SHC3: variants seen among roughly 807,000 people sequenced by gnomAD.
The protein encoded by SHC3 is SHC-transforming protein 3.
A neutral mutation model predicts 60.4 loss-of-function variants in SHC3; 15 were observed. The observed-to-expected ratio is 0.25, with a 90% CI of 0.17 to 0.38. SHC3 has a LOEUF of 0.38. SHC3 is among the 10% of genes least tolerant of loss of function. SHC3 has a pLI of 1.00. For synonymous variants in SHC3, 294 were observed against 325.9 expected, an observed-to-expected ratio of 0.90 and a Z score of 1.05; for missense variants, 677 against 786.1, an observed-to-expected ratio of 0.86 and a Z score of 1.66.
intron 1 of SHC3, among the ~76,000 whole-genome samples, chr9:89,158,022 C>G (rs1055604296): frequency 6.6e-6 from 1 of 151,426 alleles, no homozygotes; most frequent in Non-Finnish European, 1.5e-5. Flanking sequence ...TTGATTTCTG[C>G]TTTTATCTTT....
chr9:89,071,365 G>A (rs760613695), intron 4 of SHC3, 113 bp from the exon 5 acceptor site: 4 of 998,984 alleles, frequency 4.0e-6, no homozygotes, highest in Non-Finnish European at 6.1e-6. Context: ...CTGAAAATTG[G>A]TATCTATATA....
intron 7 of SHC3, among the ~76,000 whole-genome samples, chr9:89,048,786 A>AC (rs1824814076): frequency 6.6e-6 from 1 of 152,194 alleles, no homozygotes; most frequent in African/African-American, 2.4e-5. Flanking sequence ...CCCAGGCTGC[A>AC]CCCTGCTGGA....
intron 1 of SHC3, among the ~76,000 whole-genome samples, chr9:89,134,949 A>T (rs1826298355): frequency 6.6e-6 from 1 of 152,120 alleles, no homozygotes; most frequent in Admixed American, 6.6e-5. Flanking sequence ...TTTTCTTTTG[A>T]GGTATTTACA....
At chr9:89,021,801 C>T (rs1200736228) in intron 11 of SHC3, among the ~76,000 whole-genome samples, 1 of 152,138 alleles carries the variant, frequency 6.6e-6, no homozygotes, top group Non-Finnish European at 1.5e-5. Context: ...TCTTTTTTAG[C>T]CATGGAAAAA....
At chr9:89,085,852 G>T (rs1825520923) in intron 2 of SHC3, among the ~76,000 whole-genome samples, 1 of 152,152 alleles carries the variant, frequency 6.6e-6, no homozygotes, top group Non-Finnish European at 1.5e-5. Flanking sequence ...ACCTGGCAAG[G>T]AGTGCCCAGT....
intron 1 of SHC3, among the ~76,000 whole-genome samples, chr9:89,129,830 T>C (rs932517239): frequency 1.3e-5 from 2 of 152,102 alleles, no homozygotes; most frequent in South Asian, 2.1e-4. Flanking sequence ...CCATCAATGA[T>C]AGGAAGAAAC....
intron 6 of SHC3, among the ~76,000 whole-genome samples, chr9:89,065,110 G>A (rs970382608): frequency 6.6e-5 from 10 of 152,142 alleles, no homozygotes; most frequent in Non-Finnish European, 1.2e-4. Context: ...ATCAGACAGC[G>A]CCTGAGCTCA....
chr9:89,108,671 A>G (rs1340385770), intron 2 of SHC3, among the ~76,000 whole-genome samples: 4 of 152,232 alleles, frequency 2.6e-5, no homozygotes, highest in African/African-American at 9.7e-5. Context: ...GCCCATGAAT[A>G]AAAGTCTACA....
At position 89,093,553 on chromosome 9, in the gene SHC3, CAA is replaced by C. The variant is rs202123276; in HGVS notation, c.546-15652_546-15651del. On this transcript the variant is annotated intron_variant, in intron 2 of 11. Coordinates refer to ENST00000375835, the MANE Select transcript of SHC3 (RefSeq NM_016848.6). ...CAAATTGATAAGAAAGTAGAGTCTC[CAA>C]AAAAAAAAAAAGGGTAAGTGATGTG... Among the ~76,000 whole-genome samples the C allele has an allele frequency of 1.2e-3, 134 of 113,128 alleles. 1 individual carries two copies. Among genetic ancestry groups the C allele is most frequent in the African/African-American group, 3.2e-3 (98 of 30,382 alleles). The allele number at this position is 113,128 out of a possible 152,430, so 74.2% of individuals were successfully genotyped here.
chr9:89,058,623 G>T (rs930930809), intron 6 of SHC3, among the ~76,000 whole-genome samples: 85 of 151,202 alleles, frequency 5.6e-4, no homozygotes, highest in Non-Finnish European at 1.0e-3. Flanking sequence ...GGAGGACGTG[G>T]TGGAGGACAT....
At chr9:89,031,540 G>A (rs1824493049) in intron 11 of SHC3, among the ~76,000 whole-genome samples, 1 of 152,096 alleles carries the variant, frequency 6.6e-6, no homozygotes, top group Non-Finnish European at 1.5e-5. Flanking sequence ...TGTTTTCAAG[G>A]TTCATCCAAG....
chr9:89,074,650 C>T (rs1825325377), intron 4 of SHC3, among the ~76,000 whole-genome samples: 1 of 127,658 alleles, frequency 7.8e-6, no homozygotes, highest in Admixed American at 9.5e-5. Flanking sequence ...CCCTACAACA[C>T]TATGTACTAC....
intron 1 of SHC3, among the ~76,000 whole-genome samples, chr9:89,170,064 A>AGTGGGTT (rs773107081): frequency 7.6e-4 from 115 of 152,116 alleles, no homozygotes; most frequent in Non-Finnish European, 1.4e-3. Context: ...TTTCCTGCTG[A>AGTGGGTT]GTGGGTTGTG....
At chr9:89,169,704 G>A (rs1826841153) in intron 1 of SHC3, among the ~76,000 whole-genome samples, 1 of 152,122 alleles carries the variant, frequency 6.6e-6, no homozygotes, top group Non-Finnish European at 1.5e-5. Flanking sequence ...GCAAGGCGGG[G>A]GTGGGGTGCA....
At chr9:89,086,159 CAA>C (rs926550247) in intron 2 of SHC3, among the ~76,000 whole-genome samples, 1 of 152,242 alleles carries the variant, frequency 6.6e-6, no homozygotes, top group Non-Finnish European at 1.5e-5. Flanking sequence ...ACCGCTTGAA[CAA>C]GCCATCAATT....
chr9:89,048,399 T>C (rs1276863475), intron 7 of SHC3, among the ~76,000 whole-genome samples: 1 of 152,176 alleles, frequency 6.6e-6, no homozygotes, highest in Non-Finnish European at 1.5e-5. Context: ...GAAAACATTC[T>C]TCTAAGTGAA....
chr9:89,051,941 G>A (rs2117924913), intron 7 of SHC3, 96 bp downstream of exon 7: 5 of 1,528,808 alleles, frequency 3.3e-6, no homozygotes, highest in East Asian at 2.4e-5. Context: ...GTGATTAATT[G>A]TGCCTGTCCA....
intron 1 of SHC3, among the ~76,000 whole-genome samples, chr9:89,162,809 C>G (rs1402415540): frequency 1.4e-5 from 2 of 148,034 alleles, no homozygotes; most frequent in Non-Finnish European, 3.0e-5. Context: ...AACAGGCAAC[C>G]TACAAAATGG....
Position 89,178,530 on chromosome 9 carries a change from T to G in SHC3, c.-70A>C. On this transcript the variant is annotated 5_prime_UTR_variant, in exon 1 of 12. An upstream start codon of the reference 5' UTR is lost. Coordinates refer to ENST00000375835, the MANE Select transcript of SHC3 (RefSeq NM_016848.6). The surrounding 1 kb of genome is among the most constrained non-coding windows in gnomAD (Gnocchi z 6.9). ...CGGCCCCGGCGCGGGCTGCCGCGCA[T>G]AGCAGGCGAGCCACTGTCCCCGGAG... is the stretch of plus-strand genomic sequence containing the variant. 7.5e-7 allele frequency: 1 copy of G among 1,341,740 alleles called. No individual in the cohort carries two copies. Among genetic ancestry groups the G allele is most frequent in the African/African-American group, 1.5e-5 (1 of 65,096 alleles). The allele number at this position is 1,341,740 out of a possible 1,614,324, so 83.1% of individuals were successfully genotyped here.
Sources: gnomAD v4.1 joint callset for allele counts (sites outside exome capture counted in the v4.1 genomes callset) on GRCh38, gnomAD v4.1.1 for gene constraint, Gnocchi (gnomAD v3.1) non-coding constraint, MANE v1.5 for transcripts, NCBI Gene and HGNC (gene_info 2026-07-23, HGNC 2026-07-21) for gene names.